The following IQCM variants were observed in gnomAD, a reference collection of about 807,000 sequenced individuals.
IQCM encodes the protein IQ domain-containing protein M.
Under a neutral mutation model 57.6 loss-of-function variants are expected in IQCM, and 45 were observed. The observed-to-expected ratio is 0.78, with a 90% CI of 0.62 to 1.00. IQCM has a LOEUF of 1.00. Among genes scored for constraint, IQCM ranks in the 50% least tolerant of loss-of-function variants. IQCM has a pLI of 0.00. For missense variants in IQCM, 468 were observed against 511.6 expected (o/e 0.91, Z 0.82); for synonymous variants, 148 against 158.9 (o/e 0.93, Z 0.51).
At chr4:149,481,707 T>TTTTTTTGTTTTTTG (rs1553975413) in intron 12 of IQCM, among the ~76,000 whole-genome samples, 23 of 136,452 alleles carry the variant, frequency 1.7e-4, no homozygotes, top group East Asian at 4.2e-4. Flanking sequence ...TTTTGTTTTT[T>TTTTTTTGTTTTTTG]TTTTTTTTTT....
chr4:149,630,512 C>A (rs1178457135), intron 7 of IQCM, among the ~76,000 whole-genome samples: 1 of 151,994 alleles, frequency 6.6e-6, no homozygotes, highest in South Asian at 2.1e-4. Flanking sequence ...TAGTGGTCTA[C>A]CTGAAAAGGA....
chr4:149,803,863 G>A (rs1037269664), intron 2 of IQCM, among the ~76,000 whole-genome samples: 7 of 151,766 alleles, frequency 4.6e-5, no homozygotes, highest in African/African-American at 1.2e-4. Flanking sequence ...ATTGTATAAG[G>A]GCCCTATTGA....
At chr4:149,374,352 T>C (rs1730567082) in intron 13 of IQCM, among the ~76,000 whole-genome samples, 1 of 152,292 alleles carries the variant, frequency 6.6e-6, no homozygotes, top group Admixed American at 6.5e-5. Context: ...TTGTTTAAAC[T>C]GCATTAGTGC....
chr4:149,573,813 T>C lies in IQCM; in HGVS notation c.750-9923A>G, dbSNP rs574285669. Among the ~76,000 whole-genome samples the C allele has an allele frequency of 4.8e-4, 73 of 151,682 alleles. No homozygotes were observed. The South Asian group carries it at 0.015, about 30-fold the overall frequency. On this transcript the variant is annotated intron_variant, in intron 9 of 13. Transcript: ENST00000636793. The stretch of plus-strand genomic sequence containing the variant: ...AATTAAAAAAAATAGTTTTGTTGGA[T>C]GATTATTATTCTGATTTTATAAATG...
intron 12 of IQCM, among the ~76,000 whole-genome samples, chr4:149,466,144 T>C (rs974089196): frequency 4.6e-5 from 7 of 152,206 alleles, no homozygotes; most frequent in Admixed American, 4.6e-4. Flanking sequence ...ACAATGCTGA[T>C]AATATGCACA....
chr4:149,690,930 C>G (rs1416507184), intron 5 of IQCM: 2 of 152,080 alleles, frequency 1.3e-5, no homozygotes, highest in Non-Finnish European at 2.9e-5. Context: ...TACACTGCCC[C>G]CTGGAACTTC....
chr4:149,723,502 G>A lies in IQCM; in HGVS notation c.385+9742C>T, dbSNP rs572895330. 4.6e-5 allele frequency among the ~76,000 whole-genome samples: 7 copies of A among 151,976 alleles called. 1 individual carries two copies. The South Asian group carries it at 1.5e-3, about 32-fold the overall frequency. On this transcript the variant is annotated intron_variant, in intron 5 of 13. Coordinates refer to ENST00000636793, the MANE Select transcript of IQCM (RefSeq NM_001363507.2). ...TTGAGGGTTTTTATTGTAAAGGGAC[G>A]CTGCATTTTTTCAAATGCTTTTTCA...
intron 1 of IQCM, 104 bp downstream of exon 1, chr4:149,815,496 T>A (rs1774976359): frequency 6.6e-6 from 1 of 151,626 alleles, no homozygotes; most frequent in Non-Finnish European, 1.5e-5. Flanking sequence ...TTGAACAAAT[T>A]CCATGAGAAA....
intron 8 of IQCM, among the ~76,000 whole-genome samples, chr4:149,619,986 G>C (rs958202123): frequency 6.6e-6 from 1 of 151,914 alleles, no homozygotes; most frequent in Non-Finnish European, 1.5e-5. Flanking sequence ...GTGAAACCCC[G>C]TCTCTACTAA....
At chr4:149,611,451 G>T (rs775394449) in intron 8 of IQCM, among the ~76,000 whole-genome samples, 1 of 151,930 alleles carries the variant, frequency 6.6e-6, no homozygotes, top group Non-Finnish European at 1.5e-5. Flanking sequence ...ATCAACAAAT[G>T]AATGAATAAA....
At chr4:149,651,585 A>T (rs1028832953) in intron 7 of IQCM, among the ~76,000 whole-genome samples, 4 of 152,194 alleles carry the variant, frequency 2.6e-5, no homozygotes, top group African/African-American at 7.2e-5. Context: ...TGAAAAAAAA[A>T]TTTTAAATGA....
rs1730345445 is a variant in IQCM at position 149,371,205 on chromosome 4, T to A, written c.1391-19139A>T. ...CAAAGTTGTAAATTACCACTAGATG[T>A]CACCCTTTGTAACATGTAAGCAAAC... On this transcript the variant is annotated intron_variant, in intron 13 of 13. Coordinates refer to ENST00000636793, the MANE Select transcript of IQCM (RefSeq NM_001363507.2). Among the ~76,000 whole-genome samples the A allele has an allele frequency of 2.0e-5, 3 of 152,146 alleles. No individual in the cohort carries two copies. In the South Asian group the frequency reaches 6.2e-4, roughly 32 times the overall value.
chr4:149,740,029 A>G (rs1767310795), intron 3 of IQCM, among the ~76,000 whole-genome samples: 1 of 152,208 alleles, frequency 6.6e-6, no homozygotes, highest in African/African-American at 2.4e-5. Context: ...ATTGTTGAGT[A>G]AGTATTTTCT....
chr4:149,682,621 A>T (rs986135361), intron 6 of IQCM, among the ~76,000 whole-genome samples: 1 of 151,162 alleles, frequency 6.6e-6, no homozygotes, highest in African/African-American at 2.4e-5. Flanking sequence ...AATGTGAGTA[A>T]GAAAAAAAGA....
In IQCM at chr4:149,381,512, C is replaced by A. The variant is rs553708840; in HGVS notation, c.1391-29446G>T. ...GCGTCTCAGCTCTTCCTGAAACACT[C>A]CAGACACTCTCTTCTCAGGCCCTTT... On this transcript the variant is annotated intron_variant, in intron 13 of 13. Transcript: ENST00000636793. Among the ~76,000 whole-genome samples the A allele has an allele frequency of 9.9e-5, 15 of 152,198 alleles. 1 individual carries two copies. Among genetic ancestry groups the A allele is most frequent in the Non-Finnish European group, 8.8e-5 (6 of 68,024 alleles).
In IQCM at chr4:149,669,228, C is replaced by T. The variant is rs562014076; in HGVS notation, c.565+12890G>A. On this transcript the variant is annotated intron_variant, in intron 7 of 13. Transcript: ENST00000636793. ...TTTTGATTTGCATTTCTCTGATGGT[C>T]AGTGATGATGAGCATTTTTTTATGT... Among the ~76,000 whole-genome samples the T allele has an allele frequency of 9.9e-5, 15 of 152,236 alleles. No individual in the cohort carries two copies. In the South Asian group the frequency reaches 3.1e-3, roughly 32 times the overall value.
At chr4:149,558,559 T>C (rs929273429) in intron 10 of IQCM, among the ~76,000 whole-genome samples, 15 of 152,080 alleles carry the variant, frequency 9.9e-5, no homozygotes, top group African/African-American at 3.4e-4. Flanking sequence ...TGTTAGGTGG[T>C]AGTAAGTGCC....
At chr4:149,550,013 C>T (rs1215489608) in intron 11 of IQCM, among the ~76,000 whole-genome samples, 1 of 152,258 alleles carries the variant, frequency 6.6e-6, no homozygotes, top group East Asian at 1.9e-4. Context: ...TCTTTCAGTG[C>T]CCCATCCATA....
chr4:149,440,749 T>A (rs896683366), intron 12 of IQCM, among the ~76,000 whole-genome samples: 2 of 152,142 alleles, frequency 1.3e-5, no homozygotes, highest in Non-Finnish European at 2.9e-5. Context: ...AATGTTTTTT[T>A]AAATTTATGT....
Sources: gnomAD v4.1 joint callset for allele counts (sites outside exome capture counted in the v4.1 genomes callset) on GRCh38, gnomAD v4.1.1 for gene constraint, MANE v1.5 for transcripts, NCBI Gene and HGNC (gene_info 2026-07-23, HGNC 2026-07-21) for gene names.